The following CARHSP1 variants were observed in gnomAD, a reference collection of about 807,000 sequenced individuals.
The protein encoded by CARHSP1 is calcium regulated heat stable protein 1, also known as calcium-regulated heat-stable protein 1.
A neutral mutation model predicts 12.5 loss-of-function variants in CARHSP1; 14 were observed. That is an observed-to-expected ratio of 1.12 (90% confidence interval 0.74 to 1.75). CARHSP1 has a LOEUF of 1.75. Among genes scored for constraint, CARHSP1 ranks in the 40% most tolerant of loss-of-function variants. CARHSP1 has a pLI of 0.00. For synonymous variants in CARHSP1, 161 were observed against 82.0 expected, an observed-to-expected ratio of 1.96 and a Z score of -5.20; for missense variants, 343 against 201.6, an observed-to-expected ratio of 1.70 and a Z score of -4.25.
Position 8,855,282 on chromosome 16 carries a change from T to C in CARHSP1, c.326A>G (p.Tyr109Cys). ...CTTGGGTGGGATGGAGCACATTTTA[T>C]AGGTGACCTCGTCGCCTTCCACTGG... ...YVPVEGDEVT[Y>C]KMCSIPPKNE... Residue 109 changes from tyrosine (Y) to cysteine (C), a missense_variant, in exon 4 of 4, where the codon TAT (tyrosine) becomes TGT (cysteine). Coordinates refer to ENST00000311052, the MANE Select transcript of CARHSP1 (RefSeq NM_014316.4). 1 of 1,611,690 alleles carries C rather than the reference T, an allele frequency of 6.2e-7. No homozygotes were observed. Among genetic ancestry groups the C allele is most frequent in the Non-Finnish European group, 8.5e-7 (1 of 1,178,544 alleles).
At position 8,854,165 on chromosome 16, in the gene CARHSP1, T is replaced by C. The variant is rs1186298646; in HGVS notation, c.*999A>G. Reference sequence around the variant, plus strand: ...GGGTGAAAGCTTTAGTTATGAAAAATAAGAAAAAAAAAATCCCTAAGCATT... The same window carrying C: ...GGGTGAAAGCTTTAGTTATGAAAAACAAGAAAAAAAAAATCCCTAAGCATT... On this transcript the variant is annotated 3_prime_UTR_variant, in exon 4 of 4. Coordinates refer to ENST00000311052, the MANE Select transcript of CARHSP1 (RefSeq NM_014316.4). 6.7e-6 allele frequency: 1 copy of C among 149,006 alleles called. No individual in the cohort carries two copies. The highest frequency in any genetic ancestry group is 2.1e-4 in the South Asian group (1 of 4,746). The allele number at this position is 149,006 out of a possible 1,614,324, so 9.2% of individuals were successfully genotyped here.
At chr16:8,856,983 C>A (rs2061136458) in intron 3 of CARHSP1, among the ~76,000 whole-genome samples, 1 of 152,172 alleles carries the variant, frequency 6.6e-6, no homozygotes, top group Non-Finnish European at 1.5e-5. Context: ...CCCAAACTTC[C>A]TTCCTGGAGC....
At chr16:8,865,387 G>A (rs1318993169) in intron 1 of CARHSP1, among the ~76,000 whole-genome samples, 1 of 152,186 alleles carries the variant, frequency 6.6e-6, no homozygotes, top group Non-Finnish European at 1.5e-5. Context: ...TCGGATTACA[G>A]GCATGAGCCA....
intron 1 of CARHSP1, among the ~76,000 whole-genome samples, chr16:8,862,070 T>C (rs1191483771): frequency 7.1e-6 from 1 of 140,674 alleles, no homozygotes. Context: ...TGGCACAATC[T>C]CGGCTCACTG....
chr16:8,863,726 C>CG (rs950204979), intron 1 of CARHSP1, among the ~76,000 whole-genome samples: 2 of 151,032 alleles, frequency 1.3e-5, no homozygotes, highest in African/African-American at 4.9e-5. Context: ...GGCCTCAGTG[C>CG]GGGGGAGGGC....
In CARHSP1 at chr16:8,857,263, G is replaced by GTTTTTTGTTTTTTTTTTTT. The variant is rs1315960023; in HGVS notation, c.281+1086_281+1087insAAAAAAAAAAAACAAAAAA. On this transcript the variant is annotated intron_variant, in intron 3 of 3. Coordinates refer to ENST00000311052, the MANE Select transcript of CARHSP1 (RefSeq NM_014316.4). Reference sequence around the variant, plus strand: ...TGGCTATGTGATCTTGGGCAGATCTGTTTTTTTTTTTTTTTTTTTTTTTTT... The same window carrying GTTTTTTGTTTTTTTTTTTT: ...TGGCTATGTGATCTTGGGCAGATCTGTTTTTTGTTTTTTTTTTTTTTTTTTTTTTTTTTTTTTTTTTTTT... 6.5e-4 allele frequency among the ~76,000 whole-genome samples: 37 copies of GTTTTTTGTTTTTTTTTTTT among 57,036 alleles called. 3 individuals are homozygous for GTTTTTTGTTTTTTTTTTTT. Among genetic ancestry groups the GTTTTTTGTTTTTTTTTTTT allele is most frequent in the South Asian group, 1.8e-3 (2 of 1,136 alleles). 37.4% of individuals were successfully genotyped at this position (57,036 alleles called of 152,430 possible).
At chr16:8,866,320 G>A (rs1402995891) in intron 1 of CARHSP1, 6 of 517,270 alleles carry the variant, frequency 1.2e-5, no homozygotes, top group Non-Finnish European at 1.5e-5. Flanking sequence ...CAGTAGCCGG[G>A]CTACACTGGC....
At chr16:8,859,398 C>G in intron 1 of CARHSP1, 63 bp from the exon 2 acceptor site, 1 of 1,423,630 alleles carries the variant, frequency 7.0e-7, no homozygotes, top group Non-Finnish European at 9.6e-7. Flanking sequence ...GTGCTTACCC[C>G]CATGTCCACG....
chr16:8,867,374 G>C (rs2061470537), intron 1 of CARHSP1: 1 of 152,284 alleles, frequency 6.6e-6, no homozygotes, highest in African/African-American at 2.4e-5. Flanking sequence ...GCAGGGCTCG[G>C]ACGCTGTGCA....
At chr16:8,860,756 G>C (rs754820817) in intron 1 of CARHSP1, among the ~76,000 whole-genome samples, 3 of 152,034 alleles carry the variant, frequency 2.0e-5, no homozygotes, top group African/African-American at 4.8e-5. Flanking sequence ...TTCAAATTTA[G>C]ATTTGAAGCA....
rs1255677562 is a variant in CARHSP1 at position 8,859,283 on chromosome 16, C to A, written c.46G>T (p.Ala16Ser). ...GGGGTGTCCAGCAGCCCGACTGAAGCTTGATGGGTGGGGGGCTGTGGTGGT... is the reference window on the plus strand; with the variant it reads ...GGGGTGTCCAGCAGCCCGACTGAAGATTGATGGGTGGGGGGCTGTGGTGGT... Reference protein sequence around the residue: ...PPPPQPPTHQASVGLLDTPRS... With the variant: ...PPPPQPPTHQSSVGLLDTPRS... Residue 16 changes from alanine to serine, a missense_variant, in exon 2 of 4, where the codon GCT (alanine) becomes TCT (serine). Physicochemically the swap from Ala to Ser is moderately conservative, Grantham distance 99. Coordinates refer to ENST00000311052, the MANE Select transcript of CARHSP1 (RefSeq NM_014316.4). 1 of 1,600,736 alleles carries A rather than the reference C, an allele frequency of 6.2e-7. No individual in the cohort carries two copies. Among genetic ancestry groups the A allele is most frequent in the Non-Finnish European group, 8.5e-7 (1 of 1,176,114 alleles).
intron 1 of CARHSP1, chr16:8,861,512 A>T: frequency 1.0e-6 from 1 of 955,324 alleles, no homozygotes; most frequent in Non-Finnish European, 1.4e-6. Flanking sequence ...GCCACCCAAG[A>T]ACCAGGCCCG....
rs1293935471 is a variant in CARHSP1, at chr16:8,858,403, A to G, written c.228T>C (p.His76=). 1.9e-6 allele frequency: 3 copies of G among 1,614,034 alleles called. No individual in the cohort carries two copies. The highest frequency in any genetic ancestry group is 2.2e-5 in the East Asian group (1 of 44,898). The change falls in exon 3 of 4, where the codon CAT becomes CAC. Residue 76 remains histidine, a synonymous_variant. Coordinates refer to ENST00000311052, the MANE Select transcript of CARHSP1 (RefSeq NM_014316.4). ...CGCCATCAGCTGGAGTAATGAAGCC[A>G]TGGCCCTTGGACCGGCAGAAGCATT... The part of the protein sequence containing the change: ...VCKCFCRSKG[H]GFITPADGGP...
At chr16:8,863,294 G>GTATTTTTTA (rs1334113030) in intron 1 of CARHSP1, among the ~76,000 whole-genome samples, 1 of 151,806 alleles carries the variant, frequency 6.6e-6, no homozygotes, top group Admixed American at 6.6e-5. Flanking sequence ...CTCATTTTTT[G>GTATTTTTTA]TAGAGACAGG....
chr16:8,858,541 C>T, intron 2 of CARHSP1, 69 bp from the exon 3 acceptor site: 5 of 1,570,748 alleles, frequency 3.2e-6, no homozygotes, highest in South Asian at 1.2e-5. Context: ...ATTCCAGCCC[C>T]TGCCCACAGC....
At chr16:8,863,172 T>G (rs187723808) in intron 1 of CARHSP1, among the ~76,000 whole-genome samples, 1 of 129,900 alleles carries the variant, frequency 7.7e-6, no homozygotes, top group Non-Finnish European at 1.6e-5. Flanking sequence ...TAGGCTGGAA[T>G]GCAGTGGCGC....
intron 1 of CARHSP1, chr16:8,866,365 G>A (rs1008828362): frequency 1.2e-6 from 1 of 868,538 alleles, no homozygotes; most frequent in South Asian, 5.2e-5. Context: ...AGTGCAGGAG[G>A]TGGAAGGGAA....
At chr16:8,856,716 G>GCA (rs2061124416) in intron 3 of CARHSP1, among the ~76,000 whole-genome samples, 1 of 152,190 alleles carries the variant, frequency 6.6e-6, no homozygotes, top group Non-Finnish European at 1.5e-5. Flanking sequence ...GCTGTGCAGA[G>GCA]TAGGACTCTG....
At chr16:8,864,133 G>A (rs973416706) in intron 1 of CARHSP1, among the ~76,000 whole-genome samples, 1 of 152,254 alleles carries the variant, frequency 6.6e-6, no homozygotes, top group Non-Finnish European at 1.5e-5. Context: ...GTGCTCGTTT[G>A]TGCACAGGTA....
Sources: allele counts gnomAD v4.1 joint callset (sites outside exome capture counted in the v4.1 genomes callset), GRCh38; gene constraint gnomAD v4.1.1; transcripts MANE v1.5; gene names NCBI Gene and HGNC (gene_info 2026-07-23, HGNC 2026-07-21).